Variants in CTSE observed in about 807,000 individuals in gnomAD.
The protein encoded by CTSE is erythrocyte membrane aspartic proteinase.
CTSE carries 43 observed loss-of-function variants against 42.8 expected under a neutral mutation model. The observed-to-expected ratio is 1.01, with a 90% CI of 0.79 to 1.30. The LOEUF (loss-of-function observed/expected upper bound fraction) is 1.30, where lower values mean the gene tolerates loss of function less well. Ranked by LOEUF, CTSE falls within the 50% of genes most tolerant of loss-of-function variation. The pLI is 0.00. For missense variants in CTSE, 532 were observed against 493.5 expected, an observed-to-expected ratio of 1.08 and a Z score of -0.74; for synonymous variants, 205 against 191.5, an observed-to-expected ratio of 1.07 and a Z score of -0.58.
chr1:206,021,022 G>A (rs375781465), intron 4 of CTSE, 27 bp downstream of exon 4: 3 of 1,500,244 alleles, frequency 2.0e-6, no homozygotes, highest in African/African-American at 2.8e-5. Context: ...CTGTCCAAGA[G>A]AGAAAAAATG....
At chr1:206,019,853 ATT>A (rs1316127840) in intron 4 of CTSE, among the ~76,000 whole-genome samples, 6 of 141,672 alleles carry the variant, frequency 4.2e-5, no homozygotes, top group African/African-American at 1.5e-4. Context: ...AGGTTAATCT[ATT>A]ATATAATAGA....
intron 2 of CTSE, 135 bp from the exon 3 acceptor site, chr1:206,022,402 G>A: frequency 1.7e-6 from 1 of 602,604 alleles, no homozygotes; most frequent in Non-Finnish European, 3.0e-6. Flanking sequence ...AGCCTAGGAA[G>A]TGGCAACGCT....
chr1:206,010,079 C>T lies in CTSE; in HGVS notation c.*104G>A. 2.1e-6 allele frequency: 3 copies of T among 1,439,638 alleles called. No individual in the cohort carries two copies. Among genetic ancestry groups the T allele is most frequent in the Admixed American group, 1.7e-5 (1 of 57,812 alleles). 89.2% of individuals were successfully genotyped at this position (1,439,638 alleles called of 1,614,324 possible). ...TTAATTCAAGTTGCAACCCTGGAAACAGCTACATTCTCTGGAAAATAACTT... is the reference window on the plus strand; with the variant it reads ...TTAATTCAAGTTGCAACCCTGGAAATAGCTACATTCTCTGGAAAATAACTT... On this transcript the variant is annotated 3_prime_UTR_variant, in exon 9 of 9. Coordinates refer to ENST00000358184, the MANE Select transcript of CTSE (RefSeq NM_001910.4).
intron 5 of CTSE, among the ~76,000 whole-genome samples, chr1:206,014,878 TG>T (rs1279545405): frequency 2.0e-5 from 3 of 152,020 alleles, no homozygotes; most frequent in African/African-American, 7.2e-5. Context: ...GCTGTCATGC[TG>T]GAGAGGAAAC....
chr1:206,021,042 C>A lies in CTSE; in HGVS notation c.462+7G>T, dbSNP rs1661401413. 3.2e-6 allele frequency: 5 copies of A among 1,577,882 alleles called. No homozygotes were observed. Among genetic ancestry groups the A allele is most frequent in the Non-Finnish European group, 4.4e-6 (5 of 1,146,900 alleles). ...CAAGAGAGAAAAAATGAAGGACTTG[C>A]ACTCACAGAGACTTGGTCGGCTCCA... On this transcript the variant is annotated splice_region_variant and intron_variant, in intron 4 of 8. Coordinates refer to ENST00000358184, the MANE Select transcript of CTSE (RefSeq NM_001910.4).
chr1:206,022,118 C>T, intron 3 of CTSE, 32 bp downstream of exon 3: 1 of 1,465,978 alleles, frequency 6.8e-7, no homozygotes, highest in Non-Finnish European at 9.4e-7. Context: ...AGCCCCCAGA[C>T]ATTCTCTGCT....
chr1:206,023,864 T>C lies in CTSE; in HGVS notation c.-73A>G, dbSNP rs112965347. 2 of 1,480,572 alleles carry C rather than the reference T, an allele frequency of 1.4e-6. No individual in the cohort carries two copies. Among genetic ancestry groups the C allele is most frequent in the East Asian group, 2.3e-5 (1 of 43,920 alleles). 91.7% of individuals were successfully genotyped at this position (1,480,572 alleles called of 1,614,324 possible). ...CCCCGAGGGCAGTGGGAACGGACTT[T>C]CCCTAACTCTCAGACCTGCCCAGCC... On this transcript the variant is annotated 5_prime_UTR_variant, in exon 1 of 9. Transcript: ENST00000358184.
chr1:206,023,596 A>T (rs1287088748), intron 1 of CTSE, 128 bp downstream of exon 1: 10 of 815,318 alleles, frequency 1.2e-5, no homozygotes, highest in Non-Finnish European at 2.1e-5. Context: ...AGTCTCTTCC[A>T]TGCATTGACG....
chr1:206,023,054 C>T lies in CTSE; in HGVS notation c.72G>A (p.Val24=), dbSNP rs1208824001. ...LGEAQGSLHR[V]PLRRHPSLKK... ...TGAGGGACGGATGCCTCCTGAGGGG[C>T]ACCCTGGAGACAAACCCCCATGTAA... Residue 24 remains valine (V), a synonymous_variant, in exon 2 of 9, where the codon GTG becomes GTA. Transcript: ENST00000358184. 5 of 1,612,494 alleles carry T rather than the reference C, an allele frequency of 3.1e-6. No homozygotes were observed. Among genetic ancestry groups the T allele is most frequent in the South Asian group, 1.1e-5 (1 of 91,044 alleles).
chr1:206,012,404 A>G lies in CTSE; in HGVS notation c.930T>C (p.Tyr310=), dbSNP rs781822751. ...AIGAAPVDGE[Y]AVECANLNVM... The stretch of plus-strand genomic sequence containing the variant: ...CGTTAAGGTTGGCACACTCCACAGC[A>G]TACTAAAACCCAATACGGAGGATCC... Residue 310 remains tyrosine (Y), a splice_region_variant and synonymous_variant, in exon 8 of 9, where the codon TAT becomes TAC. Coordinates refer to ENST00000358184, the MANE Select transcript of CTSE (RefSeq NM_001910.4). 6.2e-7 allele frequency: 1 copy of G among 1,613,946 alleles called. No homozygotes were observed. Among genetic ancestry groups the G allele is most frequent in the Non-Finnish European group, 8.5e-7 (1 of 1,179,882 alleles).
intron 8 of CTSE, among the ~76,000 whole-genome samples, chr1:206,011,373 C>T (rs536932411): frequency 6.3e-4 from 95 of 151,976 alleles, no homozygotes; most frequent in African/African-American, 2.3e-3. Flanking sequence ...ACTCAACTCA[C>T]GTGGGGGAAG....
Position 206,012,249 on chromosome 1 carries a change from G to T in CTSE, c.1026+59C>A. On this transcript the variant is annotated intron_variant, in intron 8 of 8. Transcript: ENST00000358184. ...GCAAAGTGCAGGCGATTGAAAAGGG[G>T]AAGTGGCAGGCATGTGGGGAGGGCC... The T allele has an allele frequency of 1.2e-5, 17 of 1,383,400 alleles. No individual in the cohort carries two copies. In the South Asian group the frequency reaches 1.8e-4, roughly 15 times the overall value. 85.7% of individuals were successfully genotyped at this position (1,383,400 alleles called of 1,614,324 possible).
At chr1:206,014,674 T>A (rs1176945609) in intron 5 of CTSE, among the ~76,000 whole-genome samples, 2 of 152,056 alleles carry the variant, frequency 1.3e-5, no homozygotes, top group African/African-American at 4.8e-5. Context: ...TGGAAGAAAC[T>A]GAGCCTCAGT....
chr1:206,019,544 C>G (rs368315192), intron 4 of CTSE, among the ~76,000 whole-genome samples: 3 of 151,914 alleles, frequency 2.0e-5, no homozygotes, highest in East Asian at 3.9e-4. Flanking sequence ...GCCAGGTGAG[C>G]CAACAGATAC....
rs373167330 is a variant in CTSE, at chr1:206,022,339, G to A, written c.226-72C>T. The A allele has an allele frequency of 3.4e-5, 37 of 1,101,460 alleles. No homozygotes were observed. The African/African-American group carries it at 5.8e-4, about 17-fold the overall frequency. The allele number at this position is 1,101,460 out of a possible 1,614,324, so 68.2% of individuals were successfully genotyped here. A position where few individuals can be genotyped will look rare whatever the true frequency, so the allele number is the denominator to read the frequency against. ...GACAAGGGTGCTCACCAGGAAGCCA[G>A]GGGAAAGCTCCCAGGGGCCAGAGCC... On this transcript the variant is annotated intron_variant, in intron 2 of 8. Coordinates refer to ENST00000358184, the MANE Select transcript of CTSE (RefSeq NM_001910.4).
At position 206,012,579 on chromosome 1, in the gene CTSE, G is replaced by A. The variant is rs141402875; in HGVS notation, c.856C>T (p.Leu286Phe). The change falls in exon 7 of 9, where the codon CTC becomes TTC. Residue 286 changes from leucine (L) to phenylalanine (F), a missense_variant. By Grantham distance (22) the Leu-to-Phe change is conservative (BLOSUM62 0). Coordinates refer to ENST00000358184, the MANE Select transcript of CTSE (RefSeq NM_001910.4). ...ATCTTGTCGGAAGGGCCAGTGATGA[G>A]GGAAGTCCCTGTGTCCACAATGGCC... ...CQAIVDTGTS[L>F]ITGPSDKIKQ... 8.1e-5 allele frequency: 130 copies of A among 1,613,854 alleles called. 1 individual carries two copies. Among genetic ancestry groups the A allele is most frequent in the Non-Finnish European group, 1.0e-4 (122 of 1,179,910 alleles).
intron 8 of CTSE, among the ~76,000 whole-genome samples, chr1:206,010,655 C>T (rs182329155): frequency 2.3e-3 from 343 of 152,188 alleles, no homozygotes; most frequent in African/African-American, 7.8e-3. Context: ...ACTGGGAAAC[C>T]CTTGCTGCAT....
At position 206,016,084 on chromosome 1, in the gene CTSE, G is replaced by T; in HGVS notation, c.509C>A (p.Thr170Lys). Residue 170 changes from threonine (T) to lysine (K), a missense_variant, in exon 5 of 9, where the codon ACA becomes AAA. By Grantham distance (78) the Thr-to-Lys change is moderately conservative. Transcript: ENST00000358184. ...ATCCACAAAGGTCTGGCCTGGCTCT[G>T]TGACACTTTCTCCAAACTGCTGGCC... ...VVGQQFGESV[T>K]EPGQTFVDAE... 6.2e-7 allele frequency: 1 copy of T among 1,613,952 alleles called. No homozygotes were observed. The highest frequency in any genetic ancestry group is 8.5e-7 in the Non-Finnish European group (1 of 1,179,930).
intron 4 of CTSE, 88 bp from the exon 5 acceptor site, chr1:206,016,218 G>T: frequency 8.2e-7 from 1 of 1,223,646 alleles, no homozygotes; most frequent in Admixed American, 1.7e-5. Context: ...CCTCTGTCTT[G>T]AAGCTAATGC....
Sources: allele counts gnomAD v4.1 joint callset (sites outside exome capture counted in the v4.1 genomes callset), GRCh38; gene constraint gnomAD v4.1.1; transcripts MANE v1.5; gene names NCBI Gene and HGNC (gene_info 2026-07-23, HGNC 2026-07-21).